MAF: variants seen among roughly 807,000 people sequenced by gnomAD.
MAF encodes the protein transcription factor Maf.
Under a neutral mutation model 22.0 loss-of-function variants are expected in MAF, and 10 were observed. That is an observed-to-expected ratio of 0.45 (90% CI 0.28 to 0.77). The LOEUF (loss-of-function observed/expected upper bound fraction) is 0.77. Ranked by LOEUF, MAF falls within the 30% of genes least tolerant of loss-of-function variation. The pLI is 0.12. For synonymous variants in MAF, 337 were observed against 255.8 expected, an observed-to-expected ratio of 1.32 and a Z score of -3.03; for missense variants, 544 against 548.4, an observed-to-expected ratio of 0.99 and a Z score of 0.08.
At chr16:79,467,913 G>A in the MAF span, among the ~76,000 whole-genome samples, 3 of 151,336 alleles carry the variant, frequency 2.0e-5, no homozygotes, top group Non-Finnish European at 2.9e-5. Flanking sequence ...TCAAGTAAGT[G>A]CATGATGCTT....
At chr16:79,384,476 G>A in the MAF span, among the ~76,000 whole-genome samples, 13 of 149,120 alleles carry the variant, frequency 8.7e-5, no homozygotes, top group Non-Finnish European at 1.3e-4. Flanking sequence ...AAAAGGGAGC[G>A]GCCGGGCATG....
At chr16:79,212,199 A>C in the MAF span, 12 of 1,453,904 alleles carry the variant, frequency 8.3e-6, no homozygotes, top group East Asian at 2.5e-5. Flanking sequence ...GCCTTCTCCT[A>C]CTTAGGGAAG....
At chr16:79,211,858 C>T in the MAF span, 3 of 1,603,754 alleles carry the variant, frequency 1.9e-6, no homozygotes, top group African/African-American at 1.3e-5. Flanking sequence ...ACGCAAGTGC[C>T]AGGGCTGGGC....
chr16:79,545,017 C>G, the MAF span, among the ~76,000 whole-genome samples: 14 of 152,110 alleles, frequency 9.2e-5, 1 homozygote, highest in Non-Finnish European at 8.8e-5. Flanking sequence ...GGTCAGGGAC[C>G]ACTGGCTCCC....
the MAF span, among the ~76,000 whole-genome samples, chr16:79,559,742 A>T: frequency 6.6e-6 from 1 of 152,140 alleles, no homozygotes; most frequent in African/African-American, 2.4e-5. Context: ...ATGATGCTAT[A>T]TTTCACTCTA....
At chr16:79,242,682 C>T in the MAF span, among the ~76,000 whole-genome samples, 2 of 151,988 alleles carry the variant, frequency 1.3e-5, no homozygotes, top group African/African-American at 4.8e-5. Context: ...AGGAGTTGAA[C>T]TCAGCTCTGG....
At chr16:79,598,316 A>G (rs1913694583) in intron 1 of MAF, 5 of 1,102,682 alleles carry the variant, frequency 4.5e-6, no homozygotes, top group Non-Finnish European at 5.6e-6. Context: ...GAAAATGAAC[A>G]CCAGTTCATG....
At chr16:79,533,199 C>A in the MAF span, among the ~76,000 whole-genome samples, 1 of 152,180 alleles carries the variant, frequency 6.6e-6, no homozygotes, top group Admixed American at 6.5e-5. Flanking sequence ...AAGGGCTCTA[C>A]TCTTCTTATC....
the MAF span, among the ~76,000 whole-genome samples, chr16:79,501,843 T>C: frequency 1.3e-5 from 2 of 152,196 alleles, no homozygotes; most frequent in African/African-American, 4.8e-5. Context: ...GTATTTTCTC[T>C]CCTTGATTTG....
the MAF span, among the ~76,000 whole-genome samples, chr16:79,255,705 C>G: frequency 6.6e-6 from 1 of 152,140 alleles, no homozygotes. Flanking sequence ...GGAAGACACA[C>G]CTGCTTGGCC....
chr16:79,410,071 G>C, the MAF span, among the ~76,000 whole-genome samples: 1 of 152,198 alleles, frequency 6.6e-6, no homozygotes, highest in Non-Finnish European at 1.5e-5. Flanking sequence ...CCACAGCAGA[G>C]TCTTGGCGAA....
At chr16:79,310,284 G>C in the MAF span, among the ~76,000 whole-genome samples, 3 of 152,120 alleles carry the variant, frequency 2.0e-5, no homozygotes, top group African/African-American at 7.2e-5. Context: ...AAGTTAGTGA[G>C]AATCAACTAA....
chr16:79,295,664 G>C, the MAF span, among the ~76,000 whole-genome samples: 1 of 152,232 alleles, frequency 6.6e-6, no homozygotes, highest in African/African-American at 2.4e-5. Context: ...ATGCAAATGA[G>C]CCCTAAGACA....
the MAF span, among the ~76,000 whole-genome samples, chr16:79,341,011 T>C: frequency 6.6e-6 from 1 of 152,108 alleles, no homozygotes; most frequent in African/African-American, 2.4e-5. Flanking sequence ...TGCAAAGAGC[T>C]GGAGAAGAGC....
chr16:79,287,949 C>T, the MAF span, among the ~76,000 whole-genome samples: 1 of 152,170 alleles, frequency 6.6e-6, no homozygotes, highest in East Asian at 1.9e-4. Context: ...TTATTGAGAA[C>T]CCATTATGTG....
chr16:79,288,585 T>C, the MAF span, among the ~76,000 whole-genome samples: 1 of 152,244 alleles, frequency 6.6e-6, no homozygotes, highest in African/African-American at 2.4e-5. Flanking sequence ...AATCAATTAT[T>C]TTAAACCATT....
chr16:79,285,829 C>A, the MAF span, among the ~76,000 whole-genome samples: 1 of 152,176 alleles, frequency 6.6e-6, no homozygotes, highest in African/African-American at 2.4e-5. Flanking sequence ...GCCATTCTTT[C>A]CAGGAGCAAT....
At chr16:79,508,477 G>A in the MAF span, among the ~76,000 whole-genome samples, 1 of 152,084 alleles carries the variant, frequency 6.6e-6, no homozygotes, top group African/African-American at 2.4e-5. Context: ...AGCAACTCCT[G>A]CTGTTGCCAG....
At chr16:79,526,726 T>C in the MAF span, among the ~76,000 whole-genome samples, 131,753 of 151,934 alleles carry the variant, frequency 0.87, 57,830 homozygotes, top group South Asian at 0.96. Flanking sequence ...TAGCATTTGT[T>C]CATTTCTGTG....
Sources: allele counts gnomAD v4.1 joint callset (sites outside exome capture counted in the v4.1 genomes callset), GRCh38; gene constraint gnomAD v4.1.1; transcripts MANE v1.5; gene names NCBI Gene and HGNC (gene_info 2026-07-23, HGNC 2026-07-21).